CHODL: variants seen among roughly 807,000 people sequenced by gnomAD.
CHODL encodes the protein chondrolectin, also known as transmembrane protein MT75.
A neutral mutation model predicts 34.5 loss-of-function variants in CHODL; 29 were observed. The ratio of observed to expected loss-of-function variants is 0.84; its 90% CI spans 0.63 to 1.15. The LOEUF is 1.15. Ranked by LOEUF, CHODL falls within the 50% of genes most tolerant of loss-of-function variation. The pLI is 0.00. For missense variants in CHODL, 332 were observed against 332.5 expected (o/e 1.00, Z 0.01); for synonymous variants, 125 against 116.1 (o/e 1.08, Z -0.49).
chr21:17,972,738 A>G (rs1282938018), intron 1 of CHODL, among the ~76,000 whole-genome samples: 2 of 152,250 alleles, frequency 1.3e-5, no homozygotes, highest in East Asian at 1.9e-4. Flanking sequence ...TATAGATTCA[A>G]TGCCATCCCC....
At chr21:18,184,535 T>C (rs186505589) in intron 2 of CHODL, among the ~76,000 whole-genome samples, 4 of 152,314 alleles carry the variant, frequency 2.6e-5, no homozygotes, top group African/African-American at 9.6e-5. Context: ...TGATATAAAA[T>C]TTCTACATAA....
chr21:17,988,136 C>T (rs2063768101), intron 1 of CHODL, among the ~76,000 whole-genome samples: 2 of 152,220 alleles, frequency 1.3e-5, no homozygotes, highest in South Asian at 2.1e-4. Context: ...AGTTGCAAAA[C>T]GCATTAAGTT....
intron 1 of CHODL, among the ~76,000 whole-genome samples, chr21:17,923,894 A>C (rs1480392283): frequency 6.6e-6 from 1 of 152,250 alleles, no homozygotes; most frequent in Non-Finnish European, 1.5e-5. Context: ...AGCTTTAAAC[A>C]ATCACTTACT....
chr21:17,974,643 A>T (rs932921417), intron 1 of CHODL, among the ~76,000 whole-genome samples: 5 of 152,178 alleles, frequency 3.3e-5, no homozygotes, highest in African/African-American at 4.8e-5. Context: ...AAGTAAAAGA[A>T]AAAATACTTT....
rs555511324 is a variant in CHODL, at chr21:18,267,125, C to T, written c.*1087C>T. ...ACTATCAGTGTGGAGACAAGCACAG[C>T]ACACAGACATTTTAGGAAGGAAAGG... On this transcript the variant is annotated 3_prime_UTR_variant, in exon 6 of 6. Transcript: ENST00000299295. The T allele has an allele frequency of 1.3e-5, 2 of 152,316 alleles. No homozygotes were observed. Among genetic ancestry groups the T allele is most frequent in the South Asian group, 4.1e-4 (2 of 4,820 alleles). The allele number at this position is 152,316 out of a possible 1,614,324, so 9.4% of individuals were successfully genotyped here.
intron 2 of CHODL, among the ~76,000 whole-genome samples, chr21:18,145,174 G>C (rs1471906422): frequency 6.6e-6 from 1 of 150,782 alleles, no homozygotes; most frequent in Non-Finnish European, 1.5e-5. Context: ...CGGTGGCTCA[G>C]GCCTGTAATC....
At chr21:18,249,034 T>C (rs563724434) in intron 1 of CHODL, among the ~76,000 whole-genome samples, 1,553 of 120,852 alleles carry the variant, frequency 0.013, 51 homozygotes, top group African/African-American at 0.047. Context: ...AATATTAATA[T>C]ATATAATATT....
intron 2 of CHODL, among the ~76,000 whole-genome samples, chr21:18,237,508 T>G (rs1032476487): frequency 3.3e-5 from 5 of 152,246 alleles, no homozygotes; most frequent in Non-Finnish European, 7.4e-5. Flanking sequence ...TGCCAAAGCC[T>G]TCTTTCATCT....
chr21:17,955,806 C>T (rs2063490442), intron 1 of CHODL, among the ~76,000 whole-genome samples: 1 of 136,556 alleles, frequency 7.3e-6, no homozygotes, highest in African/African-American at 2.5e-5. Flanking sequence ...GGTTCCAGGG[C>T]TTGCATGGTC....
intron 2 of CHODL, among the ~76,000 whole-genome samples, chr21:18,170,324 G>C (rs2073211825): frequency 6.6e-6 from 1 of 151,838 alleles, no homozygotes; most frequent in African/African-American, 2.4e-5. Context: ...AACTAAACTT[G>C]TGGACAGAAT....
intron 1 of CHODL, among the ~76,000 whole-genome samples, chr21:17,930,297 C>T (rs1416590423): frequency 6.6e-6 from 1 of 152,136 alleles, no homozygotes. Flanking sequence ...AAGCCTAGCC[C>T]TCAGAGGCCT....
chr21:18,246,747 G>C (rs2074146611), intron 1 of CHODL, among the ~76,000 whole-genome samples: 1 of 152,062 alleles, frequency 6.6e-6, no homozygotes, highest in African/African-American at 2.4e-5. Flanking sequence ...ATATGCTCTT[G>C]TTCCTAGGCC....
At chr21:17,976,217 G>A (rs1251095982) in intron 1 of CHODL, among the ~76,000 whole-genome samples, 2 of 137,364 alleles carry the variant, frequency 1.5e-5, no homozygotes, top group Non-Finnish European at 3.1e-5. Context: ...ATTGCAGTGA[G>A]CCGAGATTGC....
intron 2 of CHODL, among the ~76,000 whole-genome samples, chr21:18,060,636 A>G (rs154740): frequency 0.4 from 58,981 of 148,510 alleles, 12,932 homozygotes; most frequent in East Asian, 0.95. Context: ...TCAAAAGCAG[A>G]AAAACTGGGA....
intron 2 of CHODL, among the ~76,000 whole-genome samples, chr21:18,129,128 C>T (rs205695): frequency 0.43 from 65,367 of 151,752 alleles, 15,479 homozygotes; most frequent in African/African-American, 0.63. Context: ...GCAATAATTT[C>T]TATTAAAAAG....
chr21:18,203,161 T>C (rs1452753014), intron 2 of CHODL, among the ~76,000 whole-genome samples: 1 of 152,158 alleles, frequency 6.6e-6, no homozygotes, highest in Non-Finnish European at 1.5e-5. Context: ...AAGAACTTTG[T>C]TTTGCTTAAA....
chr21:18,256,494 T>C lies in CHODL; in HGVS notation c.80-15T>C. 8.0e-7 allele frequency: 1 copy of C among 1,248,060 alleles called. No homozygotes were observed. Among genetic ancestry groups the C allele is most frequent in the Non-Finnish European group, 1.1e-6 (1 of 933,156 alleles). The allele number at this position is 1,248,060 out of a possible 1,614,324, so 77.3% of individuals were successfully genotyped here. ...TCCGATTATCAATATATGGGCATCT[T>C]TTTTTTTTTTTCAGGCCAAAAGGTG... On this transcript the variant is annotated splice_polypyrimidine_tract_variant and intron_variant, in intron 1 of 5. Coordinates refer to ENST00000299295, the MANE Select transcript of CHODL (RefSeq NM_024944.3).
chr21:18,248,332 T>C (rs2074169182), intron 1 of CHODL, among the ~76,000 whole-genome samples: 1 of 151,544 alleles, frequency 6.6e-6, no homozygotes, highest in Non-Finnish European at 1.5e-5. Flanking sequence ...TCTCAGCCTA[T>C]GGAACTAATC....
chr21:18,166,942 A>G (rs547299539), intron 2 of CHODL, among the ~76,000 whole-genome samples: 151 of 152,166 alleles, frequency 9.9e-4, no homozygotes, highest in African/African-American at 3.5e-3. Flanking sequence ...GCTAATATGT[A>G]CCTATGAAAA....
Sources: allele counts gnomAD v4.1 joint callset (sites outside exome capture counted in the v4.1 genomes callset), GRCh38; gene constraint gnomAD v4.1.1; transcripts MANE v1.5; gene names NCBI Gene and HGNC (gene_info 2026-07-23, HGNC 2026-07-21).